Variants in COMMD10 observed in about 807,000 individuals in gnomAD.
The protein encoded by COMMD10 is COMM domain containing 10, also known as COMM domain-containing protein 10.
In COMMD10, 33 loss-of-function variants were observed where a neutral mutation model predicts 28.9. The ratio of observed to expected loss-of-function variants is 1.14; its 90% CI spans 0.87 to 1.53. The LOEUF (loss-of-function observed/expected upper bound fraction) is 1.53. COMMD10 is among the 40% of genes most tolerant of loss of function. COMMD10 has a pLI of 0.00. For missense variants in COMMD10, 310 were observed against 233.4 expected (o/e 1.33, Z -2.14); for synonymous variants, 110 against 81.7 (o/e 1.35, Z -1.87).
At chr5:116,251,443 T>G (rs1409445061) in intron 5 of COMMD10, among the ~76,000 whole-genome samples, 2 of 69,684 alleles carry the variant, frequency 2.9e-5, no homozygotes, top group Admixed American at 1.9e-4. Context: ...CCCTCCCCCT[T>G]CCCCCCACCA....
intron 5 of COMMD10, among the ~76,000 whole-genome samples, chr5:116,198,906 G>A (rs1358755720): frequency 6.6e-6 from 1 of 152,096 alleles, no homozygotes; most frequent in Non-Finnish European, 1.5e-5. Flanking sequence ...TATAAATAAA[G>A]CTGCTGTACC....
At chr5:116,212,240 A>C (rs17139182) in intron 5 of COMMD10, among the ~76,000 whole-genome samples, 4,377 of 152,268 alleles carry the variant, frequency 0.029, 106 homozygotes, top group East Asian at 0.14. Context: ...ATGGGAAAAT[A>C]CAGTCACAGC....
intron 5 of COMMD10, among the ~76,000 whole-genome samples, chr5:116,255,036 C>T (rs1195979629): frequency 6.6e-6 from 1 of 151,424 alleles, no homozygotes; most frequent in Non-Finnish European, 1.5e-5. Context: ...TGAATTGATC[C>T]CTTTAGCAGG....
At chr5:116,136,050 A>G (rs778885772) in intron 5 of COMMD10, among the ~76,000 whole-genome samples, 3 of 152,214 alleles carry the variant, frequency 2.0e-5, no homozygotes, top group Non-Finnish European at 4.4e-5. Context: ...TACCATCATC[A>G]TCAATAAAAC....
At chr5:116,146,238 A>G (rs750343162) in intron 5 of COMMD10, among the ~76,000 whole-genome samples, 39 of 151,944 alleles carry the variant, frequency 2.6e-4, no homozygotes, top group Middle Eastern at 3.4e-3. Flanking sequence ...GGAGTTCCCA[A>G]TGTGTGTCCA....
chr5:116,113,476 G>A (rs1442785809), intron 4 of COMMD10, among the ~76,000 whole-genome samples: 2 of 151,206 alleles, frequency 1.3e-5, no homozygotes, highest in Admixed American at 1.3e-4. Flanking sequence ...CACTTGGAAA[G>A]CTTTGTTCAT....
chr5:116,213,864 C>T (rs914143968), intron 5 of COMMD10, among the ~76,000 whole-genome samples: 3 of 151,640 alleles, frequency 2.0e-5, no homozygotes, highest in Non-Finnish European at 4.4e-5. Flanking sequence ...ACTTATATAC[C>T]CAAATTTGTT....
chr5:116,215,947 C>T (rs1156303752), intron 5 of COMMD10, among the ~76,000 whole-genome samples: 2 of 150,974 alleles, frequency 1.3e-5, no homozygotes, highest in Non-Finnish European at 3.0e-5. Context: ...GTTTTTTGTC[C>T]TTCTTAATAT....
intron 5 of COMMD10, among the ~76,000 whole-genome samples, chr5:116,137,960 T>C (rs1280644674): frequency 1.3e-5 from 2 of 151,964 alleles, no homozygotes; most frequent in East Asian, 3.9e-4. Flanking sequence ...GTTTTCTGAC[T>C]TAAAGTTTTT....
Position 116,272,384 on chromosome 5 carries a change from C to T in COMMD10, c.511-19133C>T, listed in dbSNP as rs555090466. 1.1e-3 allele frequency among the ~76,000 whole-genome samples: 170 copies of T among 151,962 alleles called. 3 individuals carry two copies. Among genetic ancestry groups the T allele is most frequent in the African/African-American group, 3.9e-3 (159 of 41,292 alleles). ...TTAGAGGAATGAGCAGGAGCTTTGT[C>T]GTAGTGGAGGAGGACTCTAGTGAAG... On this transcript the variant is annotated intron_variant, in intron 5 of 6. Transcript: ENST00000274458.
Position 116,152,905 on chromosome 5 carries a change from C to G in COMMD10, c.510+18727C>G, listed in dbSNP as rs541925228. On this transcript the variant is annotated intron_variant, in intron 5 of 6. Coordinates refer to ENST00000274458, the MANE Select transcript of COMMD10 (RefSeq NM_016144.4). ...TTGTGAAATCTTTTTTTGCTATAAA[C>G]AGATGAGTACAATAATTTATAGGTA... is the stretch of plus-strand genomic sequence containing the variant. Among the ~76,000 whole-genome samples the G allele has an allele frequency of 3.6e-3, 552 of 152,146 alleles. 1 individual carries two copies. The highest frequency in any genetic ancestry group is 6.8e-3 in the Non-Finnish European group (461 of 67,982).
intron 5 of COMMD10, among the ~76,000 whole-genome samples, chr5:116,272,635 A>C (rs1018440943): frequency 6.6e-6 from 1 of 151,830 alleles, no homozygotes; most frequent in African/African-American, 2.4e-5. Context: ...TGGTAATGCC[A>C]TATTACATAT....
chr5:116,118,905 A>G (rs1751330616), intron 4 of COMMD10, among the ~76,000 whole-genome samples: 1 of 152,220 alleles, frequency 6.6e-6, no homozygotes, highest in African/African-American at 2.4e-5. Flanking sequence ...AACAAATTGA[A>G]TGAAGATTTC....
intron 5 of COMMD10, among the ~76,000 whole-genome samples, chr5:116,183,196 G>A (rs1045106820): frequency 2.6e-5 from 4 of 152,032 alleles, no homozygotes; most frequent in South Asian, 4.1e-4. Flanking sequence ...ATTACCATGG[G>A]CATATAATAT....
chr5:116,128,503 A>G (rs1192108104), intron 4 of COMMD10, among the ~76,000 whole-genome samples: 1 of 149,636 alleles, frequency 6.7e-6, no homozygotes, highest in African/African-American at 2.4e-5. Context: ...GGATAGTTTT[A>G]TTTTAAATAG....
At chr5:116,094,278 A>T (rs961163341) in intron 4 of COMMD10, among the ~76,000 whole-genome samples, 3 of 152,264 alleles carry the variant, frequency 2.0e-5, no homozygotes, top group African/African-American at 7.2e-5. Context: ...TGACTTAGCA[A>T]ATGATTAATA....
intron 5 of COMMD10, among the ~76,000 whole-genome samples, chr5:116,262,184 C>CT (rs1384642398): frequency 6.6e-6 from 1 of 151,566 alleles, no homozygotes; most frequent in African/African-American, 2.4e-5. Context: ...CTCCTCTCAT[C>CT]TTTTTCTGTT....
chr5:116,225,782 A>G (rs1392527279), intron 5 of COMMD10, among the ~76,000 whole-genome samples: 1 of 152,010 alleles, frequency 6.6e-6, no homozygotes, highest in East Asian at 1.9e-4. Flanking sequence ...CTCAGTTAAT[A>G]AAAGAATCAC....
intron 4 of COMMD10, among the ~76,000 whole-genome samples, chr5:116,122,984 G>A (rs1294704420): frequency 1.3e-5 from 2 of 152,106 alleles, no homozygotes; most frequent in African/African-American, 4.8e-5. Context: ...TCTCTTGCCT[G>A]CTTGCCCTGG....
Sources: allele counts gnomAD v4.1 joint callset (sites outside exome capture counted in the v4.1 genomes callset), GRCh38; gene constraint gnomAD v4.1.1; transcripts MANE v1.5; gene names NCBI Gene and HGNC (gene_info 2026-07-23, HGNC 2026-07-21).